SHISA9: variants seen among roughly 807,000 people sequenced by gnomAD.
SHISA9 encodes shisa family member 9.
A neutral mutation model predicts 38.0 loss-of-function variants in SHISA9; 13 were observed. That is an observed-to-expected ratio of 0.34 (90% CI 0.22 to 0.54). SHISA9 has a LOEUF of 0.54. SHISA9 is among the 20% of genes least tolerant of loss of function. SHISA9 has a pLI of 0.91. For synonymous variants in SHISA9, 275 were observed against 242.0 expected (o/e 1.14, Z -1.27); for missense variants, 538 against 575.8 (o/e 0.93, Z 0.67).
At chr16:13,288,867 C>A in the SHISA9 span, among the ~76,000 whole-genome samples, 43 of 152,306 alleles carry the variant, frequency 2.8e-4, no homozygotes, top group Non-Finnish European at 5.6e-4. Context: ...GACTAGGGAA[C>A]TCATTTAATC....
At chr16:13,021,318 C>T (rs1382202495) in intron 2 of SHISA9, among the ~76,000 whole-genome samples, 1 of 152,128 alleles carries the variant, frequency 6.6e-6, no homozygotes, top group Non-Finnish European at 1.5e-5. Flanking sequence ...AGGACCCTAC[C>T]CTAACCCCAA....
chr16:13,526,275 C>T, the SHISA9 span, among the ~76,000 whole-genome samples: 1 of 152,224 alleles, frequency 6.6e-6, no homozygotes, highest in African/African-American at 2.4e-5. Context: ...CACCCCAGAG[C>T]TTTGTCAATG....
At chr16:13,387,734 C>A in the SHISA9 span, among the ~76,000 whole-genome samples, 2 of 151,972 alleles carry the variant, frequency 1.3e-5, no homozygotes, top group African/African-American at 4.8e-5. Context: ...GTGATCTGCC[C>A]GCCTCGGCCT....
At chr16:13,505,490 A>G in the SHISA9 span, among the ~76,000 whole-genome samples, 1 of 152,384 alleles carries the variant, frequency 6.6e-6, no homozygotes, top group East Asian at 1.9e-4. Flanking sequence ...AGAGCAAAGA[A>G]GTAGCAACAG....
At chr16:13,463,823 A>G in the SHISA9 span, among the ~76,000 whole-genome samples, 2 of 152,256 alleles carry the variant, frequency 1.3e-5, no homozygotes, top group Admixed American at 1.3e-4. Flanking sequence ...ACAAGTCTAC[A>G]AAATTGCCAA....
At chr16:13,432,544 A>C in the SHISA9 span, among the ~76,000 whole-genome samples, 1 of 152,016 alleles carries the variant, frequency 6.6e-6, no homozygotes, top group Admixed American at 6.6e-5. Context: ...AATTGACACA[A>C]CCCAAATTTA....
intron 1 of SHISA9, among the ~76,000 whole-genome samples, chr16:12,903,711 T>G (rs1303818044): frequency 6.6e-6 from 1 of 152,064 alleles, no homozygotes; most frequent in Non-Finnish European, 1.5e-5. Flanking sequence ...AAGCTTTAAC[T>G]GTCCCCTTTC....
At chr16:13,551,595 A>G in the SHISA9 span, among the ~76,000 whole-genome samples, 24 of 152,332 alleles carry the variant, frequency 1.6e-4, no homozygotes, top group African/African-American at 5.5e-4. Flanking sequence ...ACATACATTC[A>G]TGTACATAAG....
chr16:13,538,693 AATTGCCCCAC>A, the SHISA9 span, among the ~76,000 whole-genome samples: 1 of 152,208 alleles, frequency 6.6e-6, no homozygotes, highest in East Asian at 1.9e-4. Context: ...GATTTTGATA[AATTGCCCCAC>A]ACTGTAGCAT....
chr16:12,974,860 T>C (rs2072135529), intron 2 of SHISA9, among the ~76,000 whole-genome samples: 1 of 152,206 alleles, frequency 6.6e-6, no homozygotes, highest in South Asian at 2.1e-4. Flanking sequence ...TATATATGTC[T>C]ACATCTATAA....
chr16:13,494,194 C>G, the SHISA9 span, among the ~76,000 whole-genome samples: 149 of 152,192 alleles, frequency 9.8e-4, no homozygotes, highest in Non-Finnish European at 1.8e-3. Flanking sequence ...TGAATAAATT[C>G]CCTTTGTATC....
intron 1 of SHISA9, chr16:12,910,330 C>T (rs1028387178): frequency 1.9e-5 from 5 of 264,726 alleles, no homozygotes; most frequent in Admixed American, 6.5e-5. Flanking sequence ...TTCATTCATT[C>T]GATAGGTATT....
the SHISA9 span, among the ~76,000 whole-genome samples, chr16:13,414,615 C>T: frequency 5.4e-5 from 8 of 147,946 alleles, no homozygotes; most frequent in African/African-American, 1.5e-4. Context: ...TTACCATGTT[C>T]GTTCGTTCTT....
the SHISA9 span, among the ~76,000 whole-genome samples, chr16:13,476,661 C>A: frequency 6.6e-6 from 1 of 151,626 alleles, no homozygotes; most frequent in Admixed American, 6.6e-5. Flanking sequence ...CTCTACAGAC[C>A]CTCCCTCCCA....
intron 2 of SHISA9, 128 bp from the exon 3 acceptor site, chr16:13,203,266 C>T: frequency 1.2e-6 from 1 of 815,324 alleles, no homozygotes; most frequent in Non-Finnish European, 1.7e-6. Context: ...TGTGAACCCT[C>T]TGCTGTTTTG....
chr16:13,141,130 A>G (rs2050398222), intron 2 of SHISA9, among the ~76,000 whole-genome samples: 1 of 152,222 alleles, frequency 6.6e-6, no homozygotes, highest in African/African-American at 2.4e-5. Flanking sequence ...CAAGAAAAAA[A>G]AATCCATTGA....
At chr16:13,115,525 C>A (rs370836916) in intron 2 of SHISA9, among the ~76,000 whole-genome samples, 1 of 152,194 alleles carries the variant, frequency 6.6e-6, no homozygotes, top group African/African-American at 2.4e-5. Flanking sequence ...CTGCCCTGGG[C>A]GGGCCAGGTG....
intron 2 of SHISA9, among the ~76,000 whole-genome samples, chr16:12,942,449 T>C (rs2071623798): frequency 6.6e-6 from 1 of 152,214 alleles, no homozygotes; most frequent in Admixed American, 6.5e-5. Context: ...TGACCAACCA[T>C]GGAAGCATGA....
the SHISA9 span, among the ~76,000 whole-genome samples, chr16:13,491,537 G>A: frequency 6.6e-6 from 1 of 152,026 alleles, no homozygotes; most frequent in Non-Finnish European, 1.5e-5. Context: ...CACCAAGGCT[G>A]GAGTGAAGTG....
Sources: allele counts gnomAD v4.1 joint callset (sites outside exome capture counted in the v4.1 genomes callset), GRCh38; gene constraint gnomAD v4.1.1; transcripts MANE v1.5; gene names NCBI Gene and HGNC (gene_info 2026-07-23, HGNC 2026-07-21).